Variants in GABRG3 observed in about 807,000 individuals in gnomAD.
GABRG3 encodes the protein gamma-aminobutyric acid receptor subunit gamma-3.
In GABRG3, 25 loss-of-function variants were observed where a neutral mutation model predicts 48.8. That is an observed-to-expected ratio of 0.51 (90% CI 0.37 to 0.72). The LOEUF is 0.72. Ranked by LOEUF, GABRG3 falls within the 30% of genes least tolerant of loss-of-function variation. The pLI is 0.00. For synonymous variants in GABRG3, 227 were observed against 217.6 expected (o/e 1.04, Z -0.38); for missense variants, 394 against 577.9 (o/e 0.68, Z 3.26).
Position 27,026,795 on chromosome 15 carries a change from A to G in GABRG3, c.244A>G (p.Ile82Val), listed in dbSNP as rs1895991436. The G allele has an allele frequency of 1.7e-5, 27 of 1,611,702 alleles. No homozygotes were observed. Among genetic ancestry groups the G allele is most frequent in the Non-Finnish European group, 2.3e-5 (27 of 1,179,254 alleles). ...TGACGTTGACATTTATGTTAACAGCATTGGTCCTGTGTCATCAATAAACAT... is the reference window on the plus strand; with the variant it reads ...TGACGTTGACATTTATGTTAACAGCGTTGGTCCTGTGTCATCAATAAACAT... ...VIDVDIYVNS[I>V]GPVSSINMEY... The change falls in exon 3 of 10, where the codon ATT becomes GTT. Residue 82 changes from isoleucine (I) to valine (V), a missense_variant. Ile to Val is a conservative substitution (Grantham distance 29, BLOSUM62 3). Transcript: ENST00000615808.
chr15:27,247,893 TC>T (rs1275653960), intron 3 of GABRG3, among the ~76,000 whole-genome samples: 3 of 152,230 alleles, frequency 2.0e-5, no homozygotes, highest in Non-Finnish European at 4.4e-5. Flanking sequence ...TCCCACTGGG[TC>T]CCTTTCACAA....
chr15:27,491,098 T>TG (rs369063073), intron 6 of GABRG3, among the ~76,000 whole-genome samples: 101 of 152,326 alleles, frequency 6.6e-4, no homozygotes, highest in African/African-American at 2.2e-3. Flanking sequence ...ACCTGGCCCT[T>TG]GGCAGGGGTG....
intron 3 of GABRG3, among the ~76,000 whole-genome samples, chr15:27,074,228 A>G (rs1311702909): frequency 6.6e-6 from 1 of 152,152 alleles, no homozygotes; most frequent in East Asian, 1.9e-4. Context: ...AGTACAATTC[A>G]TGATGAGATT....
At chr15:27,261,474 G>A (rs1373962116) in intron 3 of GABRG3, among the ~76,000 whole-genome samples, 1 of 151,220 alleles carries the variant, frequency 6.6e-6, no homozygotes, top group African/African-American at 2.4e-5. Flanking sequence ...AGATGGGCAG[G>A]GGTGCTGTTA....
chr15:27,135,221 T>A (rs1214498297), intron 3 of GABRG3, among the ~76,000 whole-genome samples: 1 of 152,244 alleles, frequency 6.6e-6, no homozygotes, highest in African/African-American at 2.4e-5. Flanking sequence ...GATTGATATA[T>A]GGCATATGTG....
chr15:27,071,418 T>G (rs1240359484), intron 3 of GABRG3, among the ~76,000 whole-genome samples: 1 of 152,244 alleles, frequency 6.6e-6, no homozygotes. Context: ...GCCCCACACC[T>G]GCTTTGTTGC....
At position 27,235,732 on chromosome 15, in the gene GABRG3, A is replaced by G. The variant is rs576084076; in HGVS notation, c.271-91077A>G. Among the ~76,000 whole-genome samples, 22 of 152,336 alleles carry G rather than the reference A, an allele frequency of 1.4e-4. No homozygotes were observed. In the East Asian group the frequency reaches 3.7e-3, roughly 25 times the overall value. On this transcript the variant is annotated intron_variant, in intron 3 of 9. Transcript: ENST00000615808. The stretch of plus-strand genomic sequence containing the variant: ...AGAAATGAAAGCAGATCTCAAGGGT[A>G]GAGTTCAAAGAAATATCTTAGACTC...
At chr15:27,140,580 G>T (rs901307298) in intron 3 of GABRG3, among the ~76,000 whole-genome samples, 2 of 151,480 alleles carry the variant, frequency 1.3e-5, no homozygotes, top group African/African-American at 4.9e-5. Flanking sequence ...TAGTCCTTTA[G>T]GTTTTTTTAA....
At chr15:27,095,035 C>G (rs1383436144) in intron 3 of GABRG3, among the ~76,000 whole-genome samples, 1 of 152,074 alleles carries the variant, frequency 6.6e-6, no homozygotes, top group African/African-American at 2.4e-5. Flanking sequence ...GTGTTTAACC[C>G]TAATACACTC....
chr15:26,987,278 G>T (rs1001032941), intron 2 of GABRG3, among the ~76,000 whole-genome samples: 3 of 152,208 alleles, frequency 2.0e-5, no homozygotes, highest in South Asian at 2.1e-4. Flanking sequence ...TCCACACAGT[G>T]CTTCGGCTTC....
intron 5 of GABRG3, among the ~76,000 whole-genome samples, chr15:27,398,300 T>C (rs1360151049): frequency 6.6e-6 from 1 of 152,198 alleles, no homozygotes; most frequent in Non-Finnish European, 1.5e-5. Context: ...TTTCAATTTG[T>C]AAGTTTTCAG....
intron 3 of GABRG3, among the ~76,000 whole-genome samples, chr15:27,195,213 C>T (rs1354927149): frequency 6.6e-6 from 1 of 152,214 alleles, no homozygotes; most frequent in Non-Finnish European, 1.5e-5. Flanking sequence ...ACAATTTCAG[C>T]ATCTGTATCA....
At chr15:26,983,802 A>G (rs1303206619) in intron 2 of GABRG3, among the ~76,000 whole-genome samples, 1 of 152,140 alleles carries the variant, frequency 6.6e-6, no homozygotes, top group Non-Finnish European at 1.5e-5. Flanking sequence ...AAAAAGACAT[A>G]AAGAGACAAA....
chr15:27,277,811 C>T lies in GABRG3; in HGVS notation c.271-48998C>T, dbSNP rs558746387. The stretch of plus-strand genomic sequence containing the variant: ...GGAAGAAATTTAGAGGCCATTAAAG[C>T]ATTATCTTTTATTTCTTTAACTTTA... On this transcript the variant is annotated intron_variant, in intron 3 of 9. Coordinates refer to ENST00000615808, the MANE Select transcript of GABRG3 (RefSeq NM_033223.5). Among the ~76,000 whole-genome samples the T allele has an allele frequency of 5.0e-3, 768 of 152,188 alleles. 10 individuals are homozygous for T. Among genetic ancestry groups the T allele is most frequent in the African/African-American group, 0.018 (742 of 41,512 alleles).
intron 3 of GABRG3, among the ~76,000 whole-genome samples, chr15:27,211,535 T>C (rs951112341): frequency 2.6e-5 from 4 of 152,238 alleles, no homozygotes; most frequent in African/African-American, 9.6e-5. Context: ...TTGAGGACTA[T>C]TGCTCTGCAG....
At chr15:27,530,712 A>G (rs1017832705) in intron 9 of GABRG3, 3 of 470,920 alleles carry the variant, frequency 6.4e-6, no homozygotes, top group Non-Finnish European at 1.3e-5. Context: ...TCCCCGTCTA[A>G]GTCAGAATCT....
intron 3 of GABRG3, among the ~76,000 whole-genome samples, chr15:27,084,475 G>A (rs528891637): frequency 5.3e-5 from 8 of 152,268 alleles, no homozygotes; most frequent in African/African-American, 1.7e-4. Flanking sequence ...TTAACCCAAG[G>A]TTCTTTTGTA....
chr15:27,396,613 T>C (rs986451877), intron 5 of GABRG3, among the ~76,000 whole-genome samples: 1 of 152,198 alleles, frequency 6.6e-6, no homozygotes, highest in Non-Finnish European at 1.5e-5. Flanking sequence ...AACATACACC[T>C]ACCGTATTAT....
At chr15:27,328,935 C>A (rs377147383) in intron 5 of GABRG3, 47 bp downstream of exon 5, 7 of 1,449,146 alleles carry the variant, frequency 4.8e-6, no homozygotes, top group Non-Finnish European at 5.8e-6. Context: ...GTGAGGGATG[C>A]CTAGCCTGGT....
Sources: allele counts gnomAD v4.1 joint callset (sites outside exome capture counted in the v4.1 genomes callset), GRCh38; gene constraint gnomAD v4.1.1; transcripts MANE v1.5; gene names NCBI Gene and HGNC (gene_info 2026-07-23, HGNC 2026-07-21).